The following NAV1 variants were observed in gnomAD, a reference collection of about 807,000 sequenced individuals.
The protein encoded by NAV1 is pore membrane and/or filament interacting like protein 3.
In NAV1, 18 loss-of-function variants were observed where a neutral mutation model predicts 175.2. The observed-to-expected ratio is 0.10, with a 90% confidence interval of 0.07 to 0.15. The LOEUF (loss-of-function observed/expected upper bound fraction) is 0.15. NAV1 is among the 10% of genes least tolerant of loss of function. The pLI is 1.00. For synonymous variants in NAV1, 897 were observed against 978.7 expected (o/e 0.92, Z 1.56); for missense variants, 1,731 against 2,436.6 (o/e 0.71, Z 6.10).
chr1:201,545,630 C>G (rs999706580), intron 1 of NAV1, among the ~76,000 whole-genome samples: 3 of 152,166 alleles, frequency 2.0e-5, no homozygotes, highest in African/African-American at 7.2e-5. Flanking sequence ...AGTTTCTCTT[C>G]TTTGAAGGTG....
chr1:201,558,348 A>G (rs1314636658), intron 1 of NAV1, among the ~76,000 whole-genome samples: 1 of 152,216 alleles, frequency 6.6e-6, no homozygotes, highest in African/African-American at 2.4e-5. Flanking sequence ...GAATGAGCCC[A>G]GTGCTCAGAT....
chr1:201,621,204 G>A (rs1668158245), upstream of NAV1, among the ~76,000 whole-genome samples: 1 of 152,112 alleles, frequency 6.6e-6, no homozygotes, highest in African/African-American at 2.4e-5. Flanking sequence ...ACTGGTGTGA[G>A]CCACTGTGCC....
chr1:201,788,510 A>G lies in NAV1; in HGVS notation c.3038A>G (p.Asn1013Ser). ...ACCACGCCAAGAATCACCCGCTCCA[A>G]CAGCATCCCCACCCACGAGGCGGCC... Residue 1013 changes from asparagine to serine, a missense_variant, in exon 10 of 30, where the codon AAC (asparagine) becomes AGC (serine). Physicochemically the swap from Asn to Ser is conservative, Grantham distance 46. This residue lies in a region of NAV1 where 634 missense variants were observed against 766.8 expected (regional missense o/e 0.83). Transcript: ENST00000367296. The surrounding 1 kb of genome is among the most constrained non-coding windows in gnomAD (Gnocchi z 5.7). 6.2e-7 allele frequency: 1 copy of G among 1,613,946 alleles called. No individual in the cohort carries two copies. Among genetic ancestry groups the G allele is most frequent in the Non-Finnish European group, 8.5e-7 (1 of 1,179,948 alleles).
chr1:201,554,771 G>T (rs1251961322), intron 1 of NAV1, among the ~76,000 whole-genome samples: 1 of 152,088 alleles, frequency 6.6e-6, no homozygotes, highest in Non-Finnish European at 1.5e-5. Flanking sequence ...AGTTTGCTAG[G>T]GCTGCCATAA....
At chr1:201,772,755 C>T (rs1049732251) in intron 3 of NAV1, among the ~76,000 whole-genome samples, 29 of 152,094 alleles carry the variant, frequency 1.9e-4, no homozygotes, top group Admixed American at 9.8e-4. Flanking sequence ...GAGCTTGGGC[C>T]GGGCACAGTG....
In NAV1 at chr1:201,809,368, A is replaced by G. The variant is rs1015927734; in HGVS notation, c.4306-74A>G. 14 of 1,585,512 alleles carry G rather than the reference A, an allele frequency of 8.8e-6. 1 individual carries two copies. The East Asian group carries it at 1.3e-4, about 15-fold the overall frequency. ...TCCAAAACCAAAGAACTCAACTCCT[A>G]AGGCCTTTAGGACCCCGGTTCATGG... On this transcript the variant is annotated intron_variant, in intron 21 of 29. Coordinates refer to ENST00000367296, the Ensembl canonical transcript of NAV1.
At chr1:201,773,883 A>G (rs537371735) in intron 3 of NAV1, among the ~76,000 whole-genome samples, 9 of 152,280 alleles carry the variant, frequency 5.9e-5, no homozygotes, top group Non-Finnish European at 2.9e-5. Context: ...ATCTGACTCA[A>G]TCTCTCATAT....
exon 30 of NAV1, chr1:201,821,981 A>G (rs1423395465): frequency 6.6e-6 from 1 of 152,562 alleles, no homozygotes; most frequent in East Asian, 1.9e-4. Flanking sequence ...CTTCCACCCA[A>G]CCGAGGAGTA....
At chr1:201,610,701 A>G (rs543655173) in intron 2 of NAV1, among the ~76,000 whole-genome samples, 2 of 152,316 alleles carry the variant, frequency 1.3e-5, no homozygotes, top group Non-Finnish European at 2.9e-5. Flanking sequence ...AAGTCTGGGA[A>G]GTATGGTGTT....
At chr1:201,675,385 AC>A (rs1670207587) in intron 1 of NAV1, among the ~76,000 whole-genome samples, 1 of 152,116 alleles carries the variant, frequency 6.6e-6, no homozygotes, top group South Asian at 2.1e-4. Flanking sequence ...CTCCTTTCTG[AC>A]CGGGCACTTC....
At chr1:201,729,714 G>A (rs1338242927) in intron 3 of NAV1, among the ~76,000 whole-genome samples, 1 of 151,994 alleles carries the variant, frequency 6.6e-6, no homozygotes, top group Non-Finnish European at 1.5e-5. Context: ...AGACCATCCT[G>A]GCTAACACGG....
chr1:201,793,326 G>GATGT, intron 13 of NAV1: 1 of 155,030 alleles, frequency 6.5e-6, no homozygotes, highest in Non-Finnish European at 1.4e-5. Context: ...CAGTGGAGTA[G>GATGT]CAGAGGAGGA....
In NAV1 at chr1:201,655,844, G is replaced by C. The variant is rs2102345371; in HGVS notation, c.757+6419G>C. 2.6e-5 allele frequency among the ~76,000 whole-genome samples: 4 copies of C among 152,276 alleles called. No individual in the cohort carries two copies. In the Middle Eastern group the frequency reaches 0.014, roughly 518 times the overall value. On this transcript the variant is annotated intron_variant, in intron 1 of 29. Transcript: ENST00000367296. ...CCATGGTGCTTTGCACCTTCTATAA[G>C]CACCTTTTTTTTTTCTCAGACTTGA... is the stretch of plus-strand genomic sequence containing the variant.
chr1:201,636,029 T>C (rs1668609533), intron 2 of NAV1, among the ~76,000 whole-genome samples: 1 of 152,274 alleles, frequency 6.6e-6, no homozygotes, highest in Non-Finnish European at 1.5e-5. Flanking sequence ...TGCTCCCTAC[T>C]TCTCTGGCCA....
At chr1:201,598,470 TG>T (rs766074547) in intron 2 of NAV1, among the ~76,000 whole-genome samples, 22 of 152,146 alleles carry the variant, frequency 1.4e-4, no homozygotes, top group Non-Finnish European at 2.9e-4. Context: ...ATGGTGTGAG[TG>T]GGCCATGCGG....
upstream of NAV1, among the ~76,000 whole-genome samples, chr1:201,646,689 G>T (rs1228223907): frequency 1.3e-5 from 2 of 152,122 alleles, no homozygotes; most frequent in Admixed American, 6.5e-5. Context: ...AATCTGGAAG[G>T]CAGAGAGTCC....
intron 2 of NAV1, among the ~76,000 whole-genome samples, chr1:201,639,355 A>G (rs1668686844): frequency 6.6e-6 from 1 of 152,182 alleles, no homozygotes; most frequent in Admixed American, 6.5e-5. Context: ...TCTGCAGGAC[A>G]TCATGGAGTT....
intron 3 of NAV1, among the ~76,000 whole-genome samples, chr1:201,741,448 A>T (rs1365770260): frequency 6.6e-6 from 1 of 152,120 alleles, no homozygotes; most frequent in East Asian, 1.9e-4. Context: ...GGGACCTCTT[A>T]CTTCAGGTGA....
At chr1:201,648,174 C>A (rs1482785662), upstream of NAV1, 2 of 917,192 alleles carry the variant, frequency 2.2e-6, no homozygotes, top group African/African-American at 1.8e-5. Flanking sequence ...CTGCTCGGAG[C>A]TGCAGCCTGC....
Sources: allele counts gnomAD v4.1 joint callset (sites outside exome capture counted in the v4.1 genomes callset), GRCh38; gene constraint gnomAD v4.1.1; regional missense constraint gnomAD v4.1.1; non-coding constraint Gnocchi (gnomAD v3.1); transcripts MANE v1.5; gene names NCBI Gene and HGNC (gene_info 2026-07-23, HGNC 2026-07-21).